ZNF662: variants seen among roughly 807,000 people sequenced by gnomAD.
ZNF662 encodes zinc finger protein 662.
ZNF662 carries 14 observed loss-of-function variants against 12.4 expected under a neutral mutation model. The observed-to-expected ratio is 1.13, with a 90% CI of 0.75 to 1.77. The LOEUF is 1.77. Ranked by LOEUF, ZNF662 falls within the 40% of genes most tolerant of loss-of-function variation. ZNF662 has a pLI of 0.00. For missense variants in ZNF662, 550 were observed against 515.6 expected, an observed-to-expected ratio of 1.07 and a Z score of -0.65; for synonymous variants, 184 against 176.4, an observed-to-expected ratio of 1.04 and a Z score of -0.34.
In ZNF662 at chr3:42,912,637, A is replaced by ATT. The variant is rs1222480696; in HGVS notation, c.152-561_152-560dup. Among the ~76,000 whole-genome samples, 55 of 66,670 alleles carry ATT rather than the reference A, an allele frequency of 8.2e-4. 2 individuals carry two copies. In the South Asian group the frequency reaches 8.3e-3, roughly 10 times the overall value. The allele number at this position is 66,670 out of a possible 152,430, so 43.7% of individuals were successfully genotyped here. On this transcript the variant is annotated intron_variant, in intron 3 of 4. Transcript: ENST00000440367. ...TTTTCTATAAAATATATATTTATAT[A>ATT]TTTTATATATATATAAATATATATA...
rs371390058 is a variant in ZNF662 at position 42,908,093 on chromosome 3, G to C, written c.-22G>C. On this transcript the variant is annotated 5_prime_UTR_variant, in exon 2 of 5. Transcript: ENST00000440367. ...AATGGATCGGCCTGGGCCCTGCTCA[G>C]AGAGCCCTGTACAGGGATGTGATGC... 7 of 1,614,170 alleles carry C rather than the reference G, an allele frequency of 4.3e-6. No homozygotes were observed. Among genetic ancestry groups the C allele is most frequent in the Non-Finnish European group, 5.1e-6 (6 of 1,180,002 alleles).
chr3:42,908,343 C>A, intron 2 of ZNF662, 195 bp downstream of exon 2: 2 of 1,365,428 alleles, frequency 1.5e-6, no homozygotes, highest in Non-Finnish European at 1.9e-6. Context: ...TACAGGACTT[C>A]CTTGCTCCAG....
chr3:42,910,297 C>T (rs1287794333), intron 3 of ZNF662, among the ~76,000 whole-genome samples: 10 of 152,108 alleles, frequency 6.6e-5, no homozygotes, highest in Non-Finnish European at 1.5e-5. Context: ...GTCAAGATGG[C>T]GGCAGTACAG....
At position 42,913,283 on chromosome 3, in the gene ZNF662, T is replaced by A; in HGVS notation, c.234T>A (p.Gly78=). Residue 78 remains glycine, a synonymous_variant, in exon 4 of 5, where the codon GGT becomes GGA. Transcript: ENST00000440367. ...TAAACCTGAAACTGCAAGGAGAGGG[T>A]CCAAGCCTGATTTGTCCGGGTAAGT... ...EPLNLKLQGE[G]PSLICPEGVL... is the part of the protein sequence containing the mutation. The A allele has an allele frequency of 6.2e-7, 1 of 1,613,726 alleles. No homozygotes were observed.
At chr3:42,909,499 T>C (rs1015778444) in intron 3 of ZNF662, among the ~76,000 whole-genome samples, 6 of 152,238 alleles carry the variant, frequency 3.9e-5, no homozygotes, top group Non-Finnish European at 5.9e-5. Context: ...TGATCTCTCT[T>C]TCTTTTCCCC....
At chr3:42,909,456 T>G (rs980317133) in intron 3 of ZNF662, among the ~76,000 whole-genome samples, 5 of 152,146 alleles carry the variant, frequency 3.3e-5, no homozygotes, top group African/African-American at 1.2e-4. Flanking sequence ...GTCTCCTATG[T>G]CTACTTCTTT....
intron 1 of ZNF662, 55 bp from the exon 2 acceptor site, chr3:42,907,967 C>T: frequency 6.3e-7 from 1 of 1,598,840 alleles, no homozygotes; most frequent in Non-Finnish European, 8.5e-7. Context: ...GTCTCCCCTT[C>T]CTCTTGGCCT....
rs377231571 is a variant in ZNF662 at position 42,912,693 on chromosome 3, A to ATATATATATAAATATATATATATATT, written c.152-507_152-506insATATATATAAATATATATATATATTT. ...TTTTTATATATATAAATATATATAT[A>ATATATATATAAATATATATATATATT]TTTTATATATATAAATATATATATA... On this transcript the variant is annotated intron_variant, in intron 3 of 4. Coordinates refer to ENST00000440367, the MANE Select transcript of ZNF662 (RefSeq NM_207404.4). Among the ~76,000 whole-genome samples, 16 of 53,096 alleles carry ATATATATATAAATATATATATATATT rather than the reference A, an allele frequency of 3.0e-4. No homozygotes were observed. The East Asian group carries it at 6.9e-3, about 23-fold the overall frequency. The allele number at this position is 53,096 out of a possible 152,430, so 34.8% of individuals were successfully genotyped here. A position where few individuals can be genotyped will look rare whatever the true frequency, so the allele number is the denominator to read the frequency against.
At chr3:42,909,830 GGGGTCGCGGCCA>G (rs2088753092) in intron 3 of ZNF662, among the ~76,000 whole-genome samples, 2 of 151,708 alleles carry the variant, frequency 1.3e-5, no homozygotes, top group Non-Finnish European at 2.9e-5. Flanking sequence ...GTTCCCAGAC[GGGGTCGCGGCCA>G]GGCAGAGGCG....
At chr3:42,912,502 T>TA (rs55888800) in intron 3 of ZNF662, among the ~76,000 whole-genome samples, 1 of 95,846 alleles carries the variant, frequency 1.0e-5, no homozygotes, top group Non-Finnish European at 1.8e-5. Flanking sequence ...TATTTATATA[T>TA]TATATATTTG....
At position 42,907,733 on chromosome 3, in the gene ZNF662, G is replaced by A. The variant is rs1452860961; in HGVS notation, c.-93-289G>A. The A allele has an allele frequency of 3.0e-6, 3 of 985,334 alleles. No homozygotes were observed. The African/African-American group carries it at 5.2e-5, about 17-fold the overall frequency. The allele number at this position is 985,334 out of a possible 1,614,324, so 61.0% of individuals were successfully genotyped here. On this transcript the variant is annotated intron_variant, in intron 1 of 4. Coordinates refer to ENST00000440367, the MANE Select transcript of ZNF662 (RefSeq NM_207404.4). ...GAGAGAGGATGGGACCTAGAGCACA[G>A]ATGTGGTTTGGGGTATAAGGATGAA...
Position 42,915,021 on chromosome 3 carries a change from C to T in ZNF662, c.948C>T (p.Asn316=). Residue 316 remains asparagine (N), a synonymous_variant, in exon 5 of 5, where the codon AAC becomes AAT. Transcript: ENST00000440367. The stretch of plus-strand genomic sequence containing the variant: ...AATGTGGGAAAAGCTTTACTCGAAA[C>T]CCAGCCCTTCTTCGACATCAGAGAA... The part of the protein sequence containing the change: ...CKECGKSFTR[N]PALLRHQRMH... The T allele has an allele frequency of 6.2e-7, 1 of 1,613,862 alleles. No homozygotes were observed. Among genetic ancestry groups the T allele is most frequent in the African/African-American group, 1.3e-5 (1 of 74,938 alleles).
chr3:42,907,516 C>CTTGG (rs1559379671), intron 1 of ZNF662: 10 of 215,042 alleles, frequency 4.7e-5, no homozygotes, highest in Non-Finnish European at 7.2e-5. Context: ...GTCAAACAGG[C>CTTGG]CTGGGTTCTG....
In ZNF662 at chr3:42,914,783, C is replaced by T. The variant is rs777049141; in HGVS notation, c.710C>T (p.Ala237Val). The T allele has an allele frequency of 8.7e-6, 14 of 1,612,814 alleles. No individual in the cohort carries two copies. The Admixed American group carries it at 2.2e-4, about 25-fold the overall frequency. ...TTCAGTTTTCGATCACATTGCATTGCACATCAGAGAATTCACAGTGGGGTG... is the reference window on the plus strand; with the variant it reads ...TTCAGTTTTCGATCACATTGCATTGTACATCAGAGAATTCACAGTGGGGTG... ...KAFSFRSHCI[A>V]HQRIHSGVKP... Residue 237 changes from alanine to valine, a missense_variant, in exon 5 of 5, where the codon GCA (alanine) becomes GTA (valine). Transcript: ENST00000440367.
chr3:42,913,308 T>C lies in ZNF662; in HGVS notation c.253+6T>C. The C allele has an allele frequency of 6.2e-6, 10 of 1,606,524 alleles. No homozygotes were observed. Among genetic ancestry groups the C allele is most frequent in the Non-Finnish European group, 8.5e-6 (10 of 1,173,266 alleles). On this transcript the variant is annotated splice_donor_region_variant and intron_variant, in intron 4 of 4. Transcript: ENST00000440367. ...TCCAAGCCTGATTTGTCCGGGTAAG[T>C]GAGAGGGAAATGAGCATTCTTCTCT...
In ZNF662 at chr3:42,913,241, G is replaced by C; in HGVS notation, c.192G>C (p.Glu64Asp). 1 of 1,614,056 alleles carries C rather than the reference G, an allele frequency of 6.2e-7. No individual in the cohort carries two copies. The highest frequency in any genetic ancestry group is 1.7e-5 in the Admixed American group (1 of 60,022). The change falls in exon 4 of 5, where the codon GAG becomes GAC. Residue 64 changes from glutamate to aspartate, a missense_variant. By Grantham distance (45) the Glu-to-Asp change is conservative. Transcript: ENST00000440367. ...FLKPAGISHP[E>D]QVEEPLNLKL... ...AGCCTGCTGGGATTTCCCATCCTGA[G>C]CAGGTGGAAGAGCCATTAAACCTGA...
At chr3:42,912,671 T>TA (rs1553609512) in intron 3 of ZNF662, among the ~76,000 whole-genome samples, 11,113 of 44,504 alleles carry the variant, frequency 0.25, 1,510 homozygotes, top group East Asian at 0.39. Context: ...TATATATTTT[T>TA]TATATATATA....
At chr3:42,909,875 G>A (rs566856066) in intron 3 of ZNF662, among the ~76,000 whole-genome samples, 30 of 151,920 alleles carry the variant, frequency 2.0e-4, no homozygotes, top group African/African-American at 6.5e-4. Context: ...CAGATGGGCC[G>A]GCGGGGCAGA....
At chr3:42,912,453 ATT>A (rs1306943255) in intron 3 of ZNF662, among the ~76,000 whole-genome samples, 2 of 86,428 alleles carry the variant, frequency 2.3e-5, no homozygotes, top group Admixed American at 4.2e-4. Context: ...TATATTATAT[ATT>A]ATATGTTATA....
Sources: gnomAD v4.1 joint callset for allele counts (sites outside exome capture counted in the v4.1 genomes callset) on GRCh38, gnomAD v4.1.1 for gene constraint, MANE v1.5 for transcripts, NCBI Gene and HGNC (gene_info 2026-07-23, HGNC 2026-07-21) for gene names.